Variants in DNAJC1 observed in about 807,000 individuals in gnomAD.
DNAJC1 encodes dnaJ homolog subfamily C member 1.
In DNAJC1, 58 loss-of-function variants were observed where a neutral mutation model predicts 76.6. The ratio of observed to expected loss-of-function variants is 0.76; its 90% CI spans 0.61 to 0.94. The LOEUF is 0.94. Ranked by LOEUF, DNAJC1 falls within the 40% of genes least tolerant of loss-of-function variation. The pLI, the probability that DNAJC1 is intolerant of heterozygous loss-of-function variation, is 0.00. For synonymous variants in DNAJC1, 258 were observed against 267.9 expected, an observed-to-expected ratio of 0.96 and a Z score of 0.36; for missense variants, 689 against 677.3, an observed-to-expected ratio of 1.02 and a Z score of -0.19.
chr10:21,839,718 A>T (rs1381705113), intron 8 of DNAJC1, among the ~76,000 whole-genome samples: 2 of 152,204 alleles, frequency 1.3e-5, no homozygotes, highest in Admixed American at 1.3e-4. Flanking sequence ...TCCAATCAAT[A>T]GAAAAAGAGG....
intron 1 of DNAJC1, chr10:21,933,121 AATTG>A (rs1180798243): frequency 6.6e-6 from 1 of 152,268 alleles, no homozygotes; most frequent in Non-Finnish European, 1.5e-5. Flanking sequence ...AGCTAAGGTT[AATTG>A]ATTATCAAAA....
At position 22,003,488 on chromosome 10, in the gene DNAJC1, G is replaced by A. The variant is rs1428093966; in HGVS notation, c.-54C>T. On this transcript the variant is annotated 5_prime_UTR_variant, in exon 1 of 12. Coordinates refer to ENST00000376980, the MANE Select transcript of DNAJC1 (RefSeq NM_022365.4). The stretch of plus-strand genomic sequence containing the variant: ...GCGCAGCTCCGTTGGCCGAGAGCTG[G>A]GACGTGGCGGGCGGCGCTGGCTGTG... The A allele has an allele frequency of 2.3e-6, 3 of 1,308,524 alleles. No individual in the cohort carries two copies. The highest frequency in any genetic ancestry group is 3.1e-5 in the African/African-American group (2 of 64,430). The allele number at this position is 1,308,524 out of a possible 1,614,324, so 81.1% of individuals were successfully genotyped here. A position where few individuals can be genotyped will look rare whatever the true frequency, so the allele number is the denominator to read the frequency against.
chr10:21,851,543 T>A (rs1312693211), intron 8 of DNAJC1, among the ~76,000 whole-genome samples: 1 of 152,214 alleles, frequency 6.6e-6, no homozygotes, highest in Admixed American at 6.5e-5. Flanking sequence ...AGTGAGAATG[T>A]AAAATGGTTC....
intron 3 of DNAJC1, among the ~76,000 whole-genome samples, chr10:21,924,208 T>C (rs1837084104): frequency 6.6e-6 from 1 of 152,108 alleles, no homozygotes; most frequent in Non-Finnish European, 1.5e-5. Flanking sequence ...CAAAATAAAT[T>C]TCCTATTCTC....
At chr10:21,772,351 T>TTGGACC (rs1206989723) in intron 9 of DNAJC1, among the ~76,000 whole-genome samples, 1 of 149,168 alleles carries the variant, frequency 6.7e-6, no homozygotes, top group Non-Finnish European at 1.5e-5. Flanking sequence ...CTATCTGGAC[T>TTGGACC]TGGACTTTTC....
intron 1 of DNAJC1, among the ~76,000 whole-genome samples, chr10:21,953,170 A>C (rs1188270698): frequency 1.3e-5 from 2 of 152,028 alleles, no homozygotes; most frequent in Non-Finnish European, 2.9e-5. Context: ...CTAGTTTTTA[A>C]TTTTTTTAGT....
intron 1 of DNAJC1, among the ~76,000 whole-genome samples, chr10:21,972,525 T>C (rs1033331692): frequency 2.6e-5 from 4 of 152,172 alleles, no homozygotes; most frequent in Admixed American, 6.5e-5. Context: ...TTGAAGGATA[T>C]TTGAACATGC....
intron 10 of DNAJC1, among the ~76,000 whole-genome samples, chr10:21,762,669 G>A (rs1003647735): frequency 1.3e-5 from 2 of 152,158 alleles, no homozygotes; most frequent in African/African-American, 4.8e-5. Flanking sequence ...GAGTGCAGTG[G>A]TGTGATCATA....
rs551176345 is a variant in DNAJC1, at chr10:21,835,375, A to G, written c.979-29276T>C. 5.9e-5 allele frequency among the ~76,000 whole-genome samples: 9 copies of G among 152,254 alleles called. No homozygotes were observed. The East Asian group carries it at 7.7e-4, about 13-fold the overall frequency. ...AGGTAGATAAAACCACAAAGATGGG[A>G]AAAAAACAGAGCAGAAAAACTGGAA... On this transcript the variant is annotated intron_variant, in intron 8 of 11. Coordinates refer to ENST00000376980, the MANE Select transcript of DNAJC1 (RefSeq NM_022365.4).
At chr10:21,934,564 T>C (rs1326294471) in intron 1 of DNAJC1, among the ~76,000 whole-genome samples, 1 of 152,138 alleles carries the variant, frequency 6.6e-6, no homozygotes, top group Non-Finnish European at 1.5e-5. Flanking sequence ...TACAAGTACA[T>C]TTTGTACCTA....
At chr10:21,869,595 G>C (rs1836068591) in intron 8 of DNAJC1, among the ~76,000 whole-genome samples, 1 of 152,110 alleles carries the variant, frequency 6.6e-6, no homozygotes, top group South Asian at 2.1e-4. Context: ...ATGGGCCATG[G>C]TTGCTAACGT....
chr10:21,791,087 A>G (rs533260848), intron 9 of DNAJC1, among the ~76,000 whole-genome samples: 1 of 152,370 alleles, frequency 6.6e-6, no homozygotes, highest in African/African-American at 2.4e-5. Context: ...CTATATTTAT[A>G]TCATATAAAA....
At chr10:21,875,250 G>A (rs1382946970) in intron 8 of DNAJC1, among the ~76,000 whole-genome samples, 4 of 152,074 alleles carry the variant, frequency 2.6e-5, no homozygotes, top group African/African-American at 7.2e-5. Context: ...CAAACTCCTG[G>A]ACTCAAGAGA....
rs540396912 is a variant in DNAJC1 at position 21,876,192 on chromosome 10, C to A, written c.978+6090G>T. On this transcript the variant is annotated intron_variant, in intron 8 of 11. Coordinates refer to ENST00000376980, the MANE Select transcript of DNAJC1 (RefSeq NM_022365.4). The stretch of plus-strand genomic sequence containing the variant: ...GTGGCATGATCTCTGCTCACTGCAA[C>A]CTCCGATTCCTGGGTTCAAGAGATT... Among the ~76,000 whole-genome samples the A allele has an allele frequency of 3.7e-4, 56 of 151,688 alleles. 1 individual carries two copies. The South Asian group carries it at 0.012, about 31-fold the overall frequency.
intron 6 of DNAJC1, among the ~76,000 whole-genome samples, chr10:21,917,488 G>C (rs933453174): frequency 6.6e-6 from 1 of 151,654 alleles, no homozygotes; most frequent in African/African-American, 2.4e-5. Context: ...CCTATTGCAC[G>C]GATTCTAAAG....
At chr10:21,792,041 T>C (rs1834695272) in intron 9 of DNAJC1, among the ~76,000 whole-genome samples, 1 of 151,954 alleles carries the variant, frequency 6.6e-6, no homozygotes, top group Non-Finnish European at 1.5e-5. Flanking sequence ...AAATCTGTGG[T>C]CAAAAAAAAA....
chr10:21,947,701 TATAA>T (rs1245980641), intron 1 of DNAJC1, among the ~76,000 whole-genome samples: 11 of 152,182 alleles, frequency 7.2e-5, no homozygotes, highest in Non-Finnish European at 1.3e-4. Context: ...AAGAGTCTGT[TATAA>T]TTTGATACTG....
chr10:21,779,155 C>T (rs1307564194), intron 9 of DNAJC1, among the ~76,000 whole-genome samples: 4 of 152,220 alleles, frequency 2.6e-5, no homozygotes, highest in African/African-American at 4.8e-5. Flanking sequence ...CCTCTGTAGA[C>T]TCCACCTCTG....
chr10:21,908,342 A>G (rs1489847437), intron 6 of DNAJC1, among the ~76,000 whole-genome samples: 5 of 140,338 alleles, frequency 3.6e-5, no homozygotes, highest in African/African-American at 1.3e-4. Context: ...GATTTTGGAG[A>G]TAGTATTCAA....
Sources: allele counts gnomAD v4.1 joint callset (sites outside exome capture counted in the v4.1 genomes callset), GRCh38; gene constraint gnomAD v4.1.1; transcripts MANE v1.5; gene names NCBI Gene and HGNC (gene_info 2026-07-23, HGNC 2026-07-21).